Variants in SEMA5A observed in about 807,000 individuals in gnomAD.
The protein encoded by SEMA5A is semaphorin-5A.
A neutral mutation model predicts 135.5 loss-of-function variants in SEMA5A; 55 were observed. The ratio of observed to expected loss-of-function variants is 0.41; its 90% CI spans 0.33 to 0.51. The LOEUF (loss-of-function observed/expected upper bound fraction) is 0.51. SEMA5A is among the 20% of genes least tolerant of loss of function. The probability of loss-of-function intolerance (pLI) is 0.37; values close to 1 mark genes in which losing one functional copy is unlikely to be tolerated. For synonymous variants in SEMA5A, 580 were observed against 546.5 expected, an observed-to-expected ratio of 1.06 and a Z score of -0.85; for missense variants, 1,290 against 1,419.9, an observed-to-expected ratio of 0.91 and a Z score of 1.47.
At chr5:9,111,571 AC>A (rs1237070710) in intron 15 of SEMA5A, among the ~76,000 whole-genome samples, 3 of 152,142 alleles carry the variant, frequency 2.0e-5, no homozygotes, top group African/African-American at 7.2e-5. Context: ...GTTGTCAATA[AC>A]CTGCCTTGTT....
At chr5:9,164,374 C>T (rs995627814) in intron 11 of SEMA5A, among the ~76,000 whole-genome samples, 9 of 146,854 alleles carry the variant, frequency 6.1e-5, no homozygotes, top group South Asian at 2.1e-4. Context: ...AACTGTTAAG[C>T]GCAATTTAAA....
At chr5:9,327,700 T>C (rs1752941597) in intron 4 of SEMA5A, among the ~76,000 whole-genome samples, 1 of 152,198 alleles carries the variant, frequency 6.6e-6, no homozygotes. Flanking sequence ...ATATTTAGGG[T>C]AAAAGTTATT....
At chr5:9,214,321 G>T (rs947821842) in intron 8 of SEMA5A, among the ~76,000 whole-genome samples, 1 of 152,182 alleles carries the variant, frequency 6.6e-6, no homozygotes, top group African/African-American at 2.4e-5. Flanking sequence ...AGGCCTGCTG[G>T]CCCTCTCCAA....
At position 9,540,433 on chromosome 5, in the gene SEMA5A, C is replaced by CAA. The variant is rs11398489; in HGVS notation, c.-175+5149_-175+5150dup. On this transcript the variant is annotated intron_variant, in intron 1 of 22. Coordinates refer to ENST00000382496, the MANE Select transcript of SEMA5A (RefSeq NM_003966.3). ...TGAAACCCCGTCTCTACTAAAAATT[C>CAA]AAAAAAAAAAAAAAATTAGCTGGGC... 7.4e-3 allele frequency among the ~76,000 whole-genome samples: 1,068 copies of CAA among 144,632 alleles called. 12 individuals carry two copies. Among genetic ancestry groups the CAA allele is most frequent in the African/African-American group, 0.018 (694 of 39,128 alleles). The allele number at this position is 144,632 out of a possible 152,430, so 94.9% of individuals were successfully genotyped here. A position where few individuals can be genotyped will look rare whatever the true frequency, so the allele number is the denominator to read the frequency against.
chr5:9,046,229 C>CT (rs1317578610), intron 21 of SEMA5A, among the ~76,000 whole-genome samples: 1 of 152,218 alleles, frequency 6.6e-6, no homozygotes, highest in Non-Finnish European at 1.5e-5. Flanking sequence ...TCACTAATAC[C>CT]TTTCCCTGAC....
chr5:9,303,320 G>T lies in SEMA5A; in HGVS notation c.270+15052C>A, dbSNP rs554947674. 2.6e-5 allele frequency among the ~76,000 whole-genome samples: 4 copies of T among 152,152 alleles called. No individual in the cohort carries two copies. The South Asian group carries it at 8.3e-4, about 32-fold the overall frequency. The stretch of plus-strand genomic sequence containing the variant: ...TTCAGTAGAGGTGGGGTTTCACCGT[G>T]TTAGCCAGGATGGTCTCAATCTCCT... On this transcript the variant is annotated intron_variant, in intron 5 of 22. Coordinates refer to ENST00000382496, the MANE Select transcript of SEMA5A (RefSeq NM_003966.3).
chr5:9,465,241 T>A (rs562716628), intron 1 of SEMA5A, among the ~76,000 whole-genome samples: 47 of 152,240 alleles, frequency 3.1e-4, no homozygotes, highest in Non-Finnish European at 5.7e-4. Context: ...TGTGGGTCAG[T>A]ATTCAAGAGT....
intron 3 of SEMA5A, among the ~76,000 whole-genome samples, chr5:9,353,159 A>AAGGAAAGGAAAGGAAAGGAAAGGAG (rs1754241613): frequency 2.3e-5 from 2 of 88,504 alleles, no homozygotes; most frequent in African/African-American, 4.6e-5. Flanking sequence ...AAGGAAAGGA[A>AAGGAAAGGAAAGGAAAGGAAAGGAG]AGGAGGGAAA....
intron 3 of SEMA5A, among the ~76,000 whole-genome samples, chr5:9,353,964 A>C (rs1299312605): frequency 2.7e-5 from 4 of 147,536 alleles, no homozygotes; most frequent in African/African-American, 5.1e-5. Context: ...AAAAAGAAAA[A>C]GCACGTGTTA....
intron 6 of SEMA5A, among the ~76,000 whole-genome samples, chr5:9,227,707 C>T (rs953247357): frequency 7.2e-5 from 11 of 152,204 alleles, no homozygotes; most frequent in Middle Eastern, 3.4e-3. Flanking sequence ...CCCGCCACCA[C>T]GCCCGGCCAA....
intron 11 of SEMA5A, among the ~76,000 whole-genome samples, chr5:9,160,124 T>C (rs1743171570): frequency 6.6e-6 from 1 of 152,136 alleles, no homozygotes; most frequent in Non-Finnish European, 1.5e-5. Flanking sequence ...GGCACACATA[T>C]ACCTATGTAA....
intron 16 of SEMA5A, among the ~76,000 whole-genome samples, chr5:9,070,028 G>A (rs1239931936): frequency 1.3e-5 from 2 of 152,150 alleles, no homozygotes; most frequent in Non-Finnish European, 2.9e-5. Context: ...CTCCGAGCCA[G>A]CCTGGCCAGA....
intron 9 of SEMA5A, among the ~76,000 whole-genome samples, chr5:9,200,614 G>A (rs571501438): frequency 4.6e-5 from 7 of 152,268 alleles, no homozygotes; most frequent in South Asian, 2.1e-4. Flanking sequence ...AGATGGCCAC[G>A]GTGGAGCAAG....
intron 11 of SEMA5A, among the ~76,000 whole-genome samples, chr5:9,161,776 C>T (rs1298738982): frequency 6.6e-6 from 1 of 152,236 alleles, no homozygotes; most frequent in Non-Finnish European, 1.5e-5. Context: ...ACATATTGAA[C>T]CTTGCCCTAT....
intron 13 of SEMA5A, among the ~76,000 whole-genome samples, chr5:9,132,110 C>A (rs751727335): frequency 3.3e-5 from 5 of 152,132 alleles, no homozygotes; most frequent in Non-Finnish European, 5.9e-5. Context: ...GAACATTAAT[C>A]AATATGTGAG....
intron 1 of SEMA5A, chr5:9,522,964 C>T (rs1262770329): frequency 1.3e-5 from 2 of 152,142 alleles, no homozygotes; most frequent in Non-Finnish European, 2.9e-5. Context: ...GACGCACATA[C>T]ATATTTTGAG....
intron 1 of SEMA5A, among the ~76,000 whole-genome samples, chr5:9,538,649 G>A (rs894463183): frequency 3.3e-5 from 5 of 152,200 alleles, no homozygotes; most frequent in South Asian, 2.1e-4. Context: ...ATTCAGCGGC[G>A]AGGCTGGCTG....
At chr5:9,473,974 A>G (rs1181507387) in intron 1 of SEMA5A, among the ~76,000 whole-genome samples, 3 of 152,170 alleles carry the variant, frequency 2.0e-5, no homozygotes, top group Non-Finnish European at 4.4e-5. Flanking sequence ...AAGATCATAC[A>G]ACAGATAGGA....
Position 9,469,677 on chromosome 5 carries a change from G to A in SEMA5A, c.-174-31825C>T, listed in dbSNP as rs1171808192. On this transcript the variant is annotated intron_variant, in intron 1 of 22. Coordinates refer to ENST00000382496, the MANE Select transcript of SEMA5A (RefSeq NM_003966.3). ...TAAAAGTGCTGGAGACCCTGAGCAG[G>A]GTAGACAAGAGAATGTTTTTGTTCA... is the stretch of plus-strand genomic sequence containing the variant. 4.6e-5 allele frequency among the ~76,000 whole-genome samples: 7 copies of A among 152,088 alleles called. No individual in the cohort carries two copies. The East Asian group carries it at 7.7e-4, about 17-fold the overall frequency.
Sources: allele counts gnomAD v4.1 joint callset (sites outside exome capture counted in the v4.1 genomes callset), GRCh38; gene constraint gnomAD v4.1.1; transcripts MANE v1.5; gene names NCBI Gene and HGNC (gene_info 2026-07-23, HGNC 2026-07-21).